Variants in EFCAB11 observed in about 807,000 individuals in gnomAD.
The protein encoded by EFCAB11 is EF-hand calcium-binding domain-containing protein 11.
EFCAB11 carries 14 observed loss-of-function variants against 23.0 expected under a neutral mutation model. That is an observed-to-expected ratio of 0.61 (90% CI 0.40 to 0.95). The LOEUF (loss-of-function observed/expected upper bound fraction) is 0.95. Among genes scored for constraint, EFCAB11 ranks in the 40% least tolerant of loss-of-function variants. The pLI is 0.00. For missense variants in EFCAB11, 198 were observed against 195.8 expected (o/e 1.01, Z -0.07); for synonymous variants, 65 against 66.6 (o/e 0.98, Z 0.11).
Position 89,951,659 on chromosome 14 carries a change from G to A in EFCAB11, c.172-1517C>T, listed in dbSNP as rs1344800024. Among the ~76,000 whole-genome samples the A allele has an allele frequency of 2.0e-5, 3 of 151,866 alleles. No individual in the cohort carries two copies. In the East Asian group the frequency reaches 5.8e-4, roughly 29 times the overall value. ...ACAGTAGCTTATGCCTGTAATCCCA[G>A]CACTTTGGGAGGCTGAGGTGGGCGG... On this transcript the variant is annotated intron_variant, in intron 2 of 5. Coordinates refer to ENST00000316738, the MANE Select transcript of EFCAB11 (RefSeq NM_145231.4).
At chr14:89,924,783 G>T in intron 5 of EFCAB11, 1 of 1,221,770 alleles carries the variant, frequency 8.2e-7, no homozygotes, top group Non-Finnish European at 1.1e-6. Context: ...GCTCCTGACT[G>T]CATTTTAAAG....
At chr14:89,869,355 A>G (rs1888195422) in intron 5 of EFCAB11, among the ~76,000 whole-genome samples, 1 of 152,210 alleles carries the variant, frequency 6.6e-6, no homozygotes, top group Non-Finnish European at 1.5e-5. Context: ...ATTCACTTTA[A>G]AAGGGATAGT....
intron 3 of EFCAB11, among the ~76,000 whole-genome samples, chr14:89,937,657 C>A (rs1156498945): frequency 6.6e-6 from 1 of 152,130 alleles, no homozygotes; most frequent in Non-Finnish European, 1.5e-5. Flanking sequence ...TCCCGAGTAG[C>A]TGGGATTACA....
At chr14:89,890,151 G>A (rs1888918891) in intron 5 of EFCAB11, among the ~76,000 whole-genome samples, 1 of 152,156 alleles carries the variant, frequency 6.6e-6, no homozygotes, top group African/African-American at 2.4e-5. Flanking sequence ...ATAATACCTT[G>A]ATAAAAACAG....
At chr14:89,874,349 A>T (rs1888369860) in intron 5 of EFCAB11, among the ~76,000 whole-genome samples, 1 of 152,118 alleles carries the variant, frequency 6.6e-6, no homozygotes, top group South Asian at 2.1e-4. Context: ...CTGCGATGGG[A>T]GGGGCTGGCA....
At position 89,815,572 on chromosome 14, in the gene EFCAB11, G is replaced by A. The variant is rs552530594; in HGVS notation, c.411-18248C>T. Among the ~76,000 whole-genome samples, 24 of 152,012 alleles carry A rather than the reference G, an allele frequency of 1.6e-4. No individual in the cohort carries two copies. The East Asian group carries it at 3.5e-3, about 22-fold the overall frequency. ...CTCTTGAGTAGCTGGGATTACAGGC[G>A]CGCGCCACCACGCTGGCTAATTTTT... On this transcript the variant is annotated intron_variant, in intron 5 of 5. Coordinates refer to ENST00000316738, the MANE Select transcript of EFCAB11 (RefSeq NM_145231.4).
At chr14:89,866,619 GT>G (rs1377706580) in intron 5 of EFCAB11, among the ~76,000 whole-genome samples, 1 of 152,106 alleles carries the variant, frequency 6.6e-6, no homozygotes, top group Non-Finnish European at 1.5e-5. Flanking sequence ...CCACACCCTC[GT>G]CACTTGGCTG....
intron 5 of EFCAB11, among the ~76,000 whole-genome samples, chr14:89,815,495 C>T (rs1187907174): frequency 2.6e-5 from 4 of 151,034 alleles, no homozygotes; most frequent in Admixed American, 6.6e-5. Context: ...GGTGTGATCT[C>T]GGCTCACTGC....
At chr14:89,813,214 G>A (rs1446750210) in intron 5 of EFCAB11, among the ~76,000 whole-genome samples, 4 of 152,180 alleles carry the variant, frequency 2.6e-5, no homozygotes, top group Non-Finnish European at 4.4e-5. Flanking sequence ...TATACAGTGA[G>A]GGGAGCAGAA....
rs1889315249 is a variant in EFCAB11, at chr14:89,900,757, A to G, written c.410+30784T>C. 1.3e-5 allele frequency among the ~76,000 whole-genome samples: 2 copies of G among 152,246 alleles called. 1 individual carries two copies. Among genetic ancestry groups the G allele is most frequent in the South Asian group, 4.1e-4 (2 of 4,832 alleles). On this transcript the variant is annotated intron_variant, in intron 5 of 5. Transcript: ENST00000316738. ...AACAAACATCCAGGGAGTGGAATTA[A>G]TATCAGCAAATCACAGAAAGACTTC...
At chr14:89,922,324 T>G (rs560238220) in intron 5 of EFCAB11, among the ~76,000 whole-genome samples, 26 of 152,198 alleles carry the variant, frequency 1.7e-4, no homozygotes, top group Non-Finnish European at 2.5e-4. Flanking sequence ...CATGCTGTGG[T>G]GGATTCTGAA....
At chr14:89,903,134 C>T (rs886113612) in intron 5 of EFCAB11, among the ~76,000 whole-genome samples, 1 of 152,218 alleles carries the variant, frequency 6.6e-6, no homozygotes. Flanking sequence ...ATTTGAATAA[C>T]TGTGTTTTAC....
At chr14:89,906,679 G>C (rs759239509) in intron 5 of EFCAB11, among the ~76,000 whole-genome samples, 1 of 152,200 alleles carries the variant, frequency 6.6e-6, no homozygotes, top group East Asian at 1.9e-4. Context: ...GTTTTGTTTT[G>C]TTTGGGGAAT....
intron 5 of EFCAB11, among the ~76,000 whole-genome samples, chr14:89,826,296 A>G (rs1886689301): frequency 1.3e-5 from 2 of 152,144 alleles, no homozygotes; most frequent in African/African-American, 4.8e-5. Flanking sequence ...TTGGGGACCT[A>G]GGGAATATGA....
chr14:89,903,865 A>T (rs1889410987), intron 5 of EFCAB11, among the ~76,000 whole-genome samples: 1 of 152,164 alleles, frequency 6.6e-6, no homozygotes, highest in African/African-American at 2.4e-5. Flanking sequence ...ACAAAAACTC[A>T]GGCGCTAATG....
At chr14:89,915,602 T>C (rs1889816406) in intron 5 of EFCAB11, among the ~76,000 whole-genome samples, 1 of 152,208 alleles carries the variant, frequency 6.6e-6, no homozygotes. Flanking sequence ...ATGCATTTCT[T>C]TGTCAGTCAA....
intron 3 of EFCAB11, among the ~76,000 whole-genome samples, chr14:89,944,319 G>T (rs932839796): frequency 5.3e-5 from 8 of 152,128 alleles, no homozygotes; most frequent in African/African-American, 1.9e-4. Context: ...ACTATCACAA[G>T]AACAGCCTGG....
intron 5 of EFCAB11, among the ~76,000 whole-genome samples, chr14:89,930,591 G>C (rs1343743698): frequency 6.6e-6 from 1 of 152,122 alleles, no homozygotes; most frequent in East Asian, 1.9e-4. Context: ...ATTCAGATTT[G>C]ACTGCTGAAA....
chr14:89,887,228 G>A (rs141521008), intron 5 of EFCAB11, among the ~76,000 whole-genome samples: 31 of 152,274 alleles, frequency 2.0e-4, no homozygotes, highest in Admixed American at 1.5e-3. Context: ...ATAAAACCAG[G>A]CAGCAGAGAT....
Sources: gnomAD v4.1 joint callset for allele counts (sites outside exome capture counted in the v4.1 genomes callset) on GRCh38, gnomAD v4.1.1 for gene constraint, MANE v1.5 for transcripts, NCBI Gene and HGNC (gene_info 2026-07-23, HGNC 2026-07-21) for gene names.